The following TRDN variants were observed in gnomAD, a reference collection of about 807,000 sequenced individuals.
TRDN encodes the protein triadin in skeletal muscle.
Under a neutral mutation model 149.7 loss-of-function variants are expected in TRDN, and 161 were observed. The ratio of observed to expected loss-of-function variants is 1.08; its 90% CI spans 0.95 to 1.23. The LOEUF is 1.23. TRDN is among the 50% of genes most tolerant of loss of function. The pLI is 0.00. For synonymous variants in TRDN, 294 were observed against 250.5 expected, an observed-to-expected ratio of 1.17 and a Z score of -1.64; for missense variants, 896 against 823.5, an observed-to-expected ratio of 1.09 and a Z score of -1.08.
chr6:123,241,866 G>GA (rs141791770), intron 38 of TRDN, among the ~76,000 whole-genome samples: 32 of 148,206 alleles, frequency 2.2e-4, no homozygotes, highest in African/African-American at 6.1e-4. Context: ...CCCTATTCAA[G>GA]AAAAAAAAAA....
chr6:123,432,232 A>C (rs1340555155), intron 12 of TRDN, among the ~76,000 whole-genome samples: 2 of 152,162 alleles, frequency 1.3e-5, no homozygotes, highest in Non-Finnish European at 2.9e-5. Context: ...GACATTTTGG[A>C]TATATCTTTT....
intron 2 of TRDN, among the ~76,000 whole-genome samples, chr6:123,557,992 C>T (rs1781771265): frequency 6.6e-6 from 1 of 152,060 alleles, no homozygotes; most frequent in African/African-American, 2.4e-5. Flanking sequence ...CACTTGACCC[C>T]AATACAAACT....
intron 1 of TRDN, among the ~76,000 whole-genome samples, chr6:123,574,864 A>G (rs1007254735): frequency 1.8e-5 from 2 of 112,746 alleles, no homozygotes; most frequent in Admixed American, 8.6e-5. Context: ...ATACATATAT[A>G]TATATATATA....
At chr6:123,427,273 G>A (rs925064921) in intron 12 of TRDN, among the ~76,000 whole-genome samples, 3 of 150,596 alleles carry the variant, frequency 2.0e-5, no homozygotes, top group Non-Finnish European at 3.0e-5. Context: ...TCTTGACCAC[G>A]CCTTTTGTTT....
At chr6:123,428,854 T>C (rs920343961) in intron 12 of TRDN, among the ~76,000 whole-genome samples, 1 of 152,176 alleles carries the variant, frequency 6.6e-6, no homozygotes, top group Non-Finnish European at 1.5e-5. Flanking sequence ...CTGAAGTCCT[T>C]GGAGACAAGA....
At chr6:123,588,486 A>G (rs927085195) in intron 1 of TRDN, among the ~76,000 whole-genome samples, 2 of 152,212 alleles carry the variant, frequency 1.3e-5, no homozygotes, top group African/African-American at 4.8e-5. Context: ...TTCCCTGGGC[A>G]GAGAGGAAGG....
intron 39 of TRDN, among the ~76,000 whole-genome samples, chr6:123,221,946 G>T (rs1775163333): frequency 6.6e-6 from 1 of 151,672 alleles, no homozygotes; most frequent in Non-Finnish European, 1.5e-5. Flanking sequence ...TGTTTTTCGT[G>T]ATCATCCTTG....
chr6:123,326,050 T>C (rs1352292378), intron 23 of TRDN, among the ~76,000 whole-genome samples: 1 of 152,152 alleles, frequency 6.6e-6, no homozygotes, highest in Non-Finnish European at 1.5e-5. Context: ...TTACTAGTAT[T>C]GGACTTCAAG....
intron 9 of TRDN, among the ~76,000 whole-genome samples, chr6:123,490,989 C>T (rs1778190229): frequency 6.6e-6 from 1 of 151,832 alleles, no homozygotes; most frequent in Non-Finnish European, 1.5e-5. Flanking sequence ...ACCTGTAGTC[C>T]CAGCTACTCG....
intron 7 of TRDN, among the ~76,000 whole-genome samples, chr6:123,508,121 A>T (rs536729431): frequency 3.9e-5 from 6 of 152,176 alleles, no homozygotes; most frequent in Non-Finnish European, 5.9e-5. Flanking sequence ...ATATCTGCAT[A>T]ATCTGCATGT....
At chr6:123,451,246 A>G (rs1185605039) in intron 10 of TRDN, among the ~76,000 whole-genome samples, 2 of 152,036 alleles carry the variant, frequency 1.3e-5, no homozygotes, top group Middle Eastern at 3.2e-3. Context: ...AATAACCAAG[A>G]TCAGAGCAGA....
rs559506398 is a variant in TRDN, at chr6:123,233,214, C to T, written c.1976-9083G>A. Among the ~76,000 whole-genome samples, 17 of 152,124 alleles carry T rather than the reference C, an allele frequency of 1.1e-4. No individual in the cohort carries two copies. In the South Asian group the frequency reaches 3.1e-3, roughly 28 times the overall value. ...TTTCCTAAGAAATCTTAAAAACCCA[C>T]GGTAGTTCAAAGCAACATTTGACAG... On this transcript the variant is annotated intron_variant, in intron 38 of 40. Coordinates refer to ENST00000334268, the MANE Select transcript of TRDN (RefSeq NM_006073.4).
intron 19 of TRDN, among the ~76,000 whole-genome samples, chr6:123,371,077 T>C (rs1781308218): frequency 6.6e-6 from 1 of 151,992 alleles, no homozygotes; most frequent in African/African-American, 2.4e-5. Flanking sequence ...CAATAAAATG[T>C]CAGCTATTAA....
intron 7 of TRDN, among the ~76,000 whole-genome samples, chr6:123,511,019 C>T (rs1284807268): frequency 6.6e-6 from 1 of 152,090 alleles, no homozygotes; most frequent in Non-Finnish European, 1.5e-5. Flanking sequence ...CTTTGGTTAC[C>T]TATGCTTTTG....
At chr6:123,351,721 T>G in intron 21 of TRDN, 1 of 928,052 alleles carries the variant, frequency 1.1e-6, no homozygotes, top group Non-Finnish European at 1.3e-6. Context: ...TTTAATTGCA[T>G]CTCAAATTTG....
chr6:123,398,079 A>T (rs1192307818), intron 12 of TRDN, among the ~76,000 whole-genome samples: 1 of 152,202 alleles, frequency 6.6e-6, no homozygotes, highest in Non-Finnish European at 1.5e-5. Flanking sequence ...ATCTTGGCTC[A>T]CTGCAACCTC....
chr6:123,329,849 G>A (rs1779596515), intron 23 of TRDN, among the ~76,000 whole-genome samples: 1 of 152,010 alleles, frequency 6.6e-6, no homozygotes, highest in African/African-American at 2.4e-5. Flanking sequence ...TTATTCTGGT[G>A]ATTACATTTA....
At chr6:123,371,088 A>G (rs1187063021) in intron 19 of TRDN, among the ~76,000 whole-genome samples, 2 of 151,992 alleles carry the variant, frequency 1.3e-5, no homozygotes, top group Non-Finnish European at 1.5e-5. Context: ...CAGCTATTAA[A>G]TGTATGACTA....
At chr6:123,544,242 TACATACAC>T (rs1428393087) in intron 4 of TRDN, among the ~76,000 whole-genome samples, 9 of 123,974 alleles carry the variant, frequency 7.3e-5, no homozygotes, top group African/African-American at 2.8e-4. Flanking sequence ...TGCACATCTG[TACATACAC>T]ACACACACAC....
Sources: allele counts gnomAD v4.1 joint callset (sites outside exome capture counted in the v4.1 genomes callset), GRCh38; gene constraint gnomAD v4.1.1; transcripts MANE v1.5; gene names NCBI Gene and HGNC (gene_info 2026-07-23, HGNC 2026-07-21).